RIMS2: variants seen among roughly 807,000 people sequenced by gnomAD.
RIMS2 encodes regulating synaptic membrane exocytosis 2, also known as regulating synaptic membrane exocytosis protein 2.
Under a neutral mutation model 174.4 loss-of-function variants are expected in RIMS2, and 59 were observed. The observed-to-expected ratio is 0.34, with a 90% CI of 0.27 to 0.42. RIMS2 has a LOEUF of 0.42. Among genes scored for constraint, RIMS2 ranks in the 10% least tolerant of loss-of-function variants. The pLI is 1.00. For synonymous variants in RIMS2, 606 were observed against 572.5 expected (o/e 1.06, Z -0.84); for missense variants, 1,620 against 1,666.3 (o/e 0.97, Z 0.48).
chr8:104,034,475 TTTTTTTTTTTTTG>T (rs1307385790), intron 19 of RIMS2, among the ~76,000 whole-genome samples: 65 of 84,164 alleles, frequency 7.7e-4, no homozygotes, highest in African/African-American at 3.2e-3. Context: ...TTTTTTTTTT[TTTTTTTTTTTTTG>T]AAACAGAGTT....
chr8:104,013,158 T>G (rs1476322149), intron 17 of RIMS2, among the ~76,000 whole-genome samples: 2 of 152,194 alleles, frequency 1.3e-5, no homozygotes. Flanking sequence ...CGTATTCCAT[T>G]TAGGGAATTC....
intron 19 of RIMS2, among the ~76,000 whole-genome samples, chr8:104,162,561 C>T (rs1485324558): frequency 6.6e-6 from 1 of 152,092 alleles, no homozygotes; most frequent in Non-Finnish European, 1.5e-5. Flanking sequence ...ATATGACCCC[C>T]ATTATTGCTA....
chr8:103,532,898 A>G (rs370597942), intron 1 of RIMS2, among the ~76,000 whole-genome samples: 1 of 152,224 alleles, frequency 6.6e-6, no homozygotes, highest in Non-Finnish European at 1.5e-5. Context: ...TGGACTTCAA[A>G]TGTGACTTTA....
chr8:103,562,389 G>A (rs148740048), intron 1 of RIMS2, among the ~76,000 whole-genome samples: 29,458 of 152,124 alleles, frequency 0.19, 3,044 homozygotes, highest in Middle Eastern at 0.3. Context: ...GGGGCTACAG[G>A]CCCCATGCAA....
intron 1 of RIMS2, among the ~76,000 whole-genome samples, chr8:103,577,697 T>C (rs1485841712): frequency 6.6e-6 from 1 of 152,182 alleles, no homozygotes; most frequent in Admixed American, 6.5e-5. Context: ...TGAAAATAAA[T>C]ATTTACAAAA....
intron 1 of RIMS2, among the ~76,000 whole-genome samples, chr8:103,562,656 G>A (rs1053680705): frequency 2.6e-5 from 4 of 152,090 alleles, no homozygotes; most frequent in African/African-American, 7.2e-5. Context: ...TCTGGAGGAC[G>A]GTGGCCCTCT....
At chr8:104,023,792 A>G (rs1226632599) in intron 19 of RIMS2, among the ~76,000 whole-genome samples, 1 of 152,190 alleles carries the variant, frequency 6.6e-6, no homozygotes. Context: ...GGACAAGTGG[A>G]CACATGTAGG....
At chr8:104,127,438 G>A (rs1199391258) in intron 19 of RIMS2, among the ~76,000 whole-genome samples, 1 of 152,106 alleles carries the variant, frequency 6.6e-6, no homozygotes, top group Non-Finnish European at 1.5e-5. Flanking sequence ...TCACTATATT[G>A]GAAGAGTGAA....
chr8:103,881,240 A>G (rs1388639024), intron 3 of RIMS2, among the ~76,000 whole-genome samples: 1 of 151,510 alleles, frequency 6.6e-6, no homozygotes, highest in Non-Finnish European at 1.5e-5. Context: ...ATATTTCTAC[A>G]GTTGAGTTAA....
At chr8:104,148,420 T>A (rs118116826) in intron 19 of RIMS2, among the ~76,000 whole-genome samples, 187 bp from the exon 25 acceptor site, 3,224 of 152,278 alleles carry the variant, frequency 0.021, 50 homozygotes, top group Non-Finnish European at 0.035. Flanking sequence ...TTTGCATATT[T>A]GCTCTAAGGT....
downstream of RIMS2, chr8:104,253,088 CGAA>C (rs1407949527): frequency 1.3e-5 from 2 of 152,076 alleles, no homozygotes; most frequent in African/African-American, 2.4e-5. Context: ...ATGTATTTGA[CGAA>C]GAAGATATTT....
At chr8:104,137,635 A>G (rs1402549597) in intron 19 of RIMS2, among the ~76,000 whole-genome samples, 1 of 152,174 alleles carries the variant, frequency 6.6e-6, no homozygotes, top group Non-Finnish European at 1.5e-5. Context: ...CTTAGAAGAG[A>G]AGCATAGCTT....
chr8:104,233,631 T>C (rs1365020207), intron 19 of RIMS2, among the ~76,000 whole-genome samples: 1 of 152,216 alleles, frequency 6.6e-6, no homozygotes, highest in Non-Finnish European at 1.5e-5. Flanking sequence ...GTTGGCTTCA[T>C]TGCTGTCATA....
At chr8:103,789,495 C>T (rs755954456) in intron 3 of RIMS2, among the ~76,000 whole-genome samples, 7 of 152,044 alleles carry the variant, frequency 4.6e-5, no homozygotes, top group East Asian at 1.9e-4. Context: ...TGCAAAATCA[C>T]CTCACTTTGT....
chr8:103,573,304 T>C (rs906972322), intron 1 of RIMS2, among the ~76,000 whole-genome samples: 5 of 152,090 alleles, frequency 3.3e-5, no homozygotes, highest in African/African-American at 1.2e-4. Flanking sequence ...CCTCAAGTGA[T>C]CCACCTGTAT....
chr8:103,969,916 T>C (rs764373522), intron 15 of RIMS2, among the ~76,000 whole-genome samples: 16 of 152,122 alleles, frequency 1.1e-4, no homozygotes, highest in Non-Finnish European at 1.8e-4. Context: ...GTCCAGTTTA[T>C]TTTTGTATTT....
At chr8:103,795,696 A>AT (rs2098545059) in intron 3 of RIMS2, among the ~76,000 whole-genome samples, 2 of 152,074 alleles carry the variant, frequency 1.3e-5, no homozygotes, top group Non-Finnish European at 2.9e-5. Context: ...CAATTCTCTG[A>AT]TTTTTCCACC....
At chr8:103,561,904 G>C (rs184487766) in intron 1 of RIMS2, among the ~76,000 whole-genome samples, 1 of 152,324 alleles carries the variant, frequency 6.6e-6, no homozygotes, top group Non-Finnish European at 1.5e-5. Context: ...GGAGGAGCAA[G>C]TTACATGTTA....
chr8:104,236,552 A>G (rs1174070956), intron 19 of RIMS2, among the ~76,000 whole-genome samples: 1 of 152,082 alleles, frequency 6.6e-6, no homozygotes, highest in African/African-American at 2.4e-5. Flanking sequence ...ATTTTCTTAC[A>G]TACAGCATTT....
Sources: gnomAD v4.1 joint callset for allele counts (sites outside exome capture counted in the v4.1 genomes callset) on GRCh38, gnomAD v4.1.1 for gene constraint, MANE v1.5 for transcripts, NCBI Gene and HGNC (gene_info 2026-07-23, HGNC 2026-07-21) for gene names.